The following NHSL1 variants were observed in gnomAD, a reference collection of about 807,000 sequenced individuals.
NHSL1 encodes NHS-like protein 1.
NHSL1 carries 48 observed loss-of-function variants against 95.0 expected under a neutral mutation model. The observed-to-expected ratio is 0.51, with a 90% CI of 0.40 to 0.64. The LOEUF is 0.64. NHSL1 is among the 30% of genes least tolerant of loss of function. The pLI is 0.00. For missense variants in NHSL1, 1,971 were observed against 2,077.7 expected (o/e 0.95, Z 1.00); for synonymous variants, 783 against 833.9 (o/e 0.94, Z 1.05).
At chr6:138,575,559 T>C (rs979880488), upstream of NHSL1, among the ~76,000 whole-genome samples, 5 of 151,976 alleles carry the variant, frequency 3.3e-5, no homozygotes, top group Non-Finnish European at 5.9e-5. Flanking sequence ...TAGTCCATAT[T>C]TCTGTTATAT....
intron 1 of NHSL1, among the ~76,000 whole-genome samples, chr6:138,599,350 A>C (rs1784342074): frequency 6.6e-6 from 1 of 152,042 alleles, no homozygotes; most frequent in Non-Finnish European, 1.5e-5. Flanking sequence ...CATCTCTACT[A>C]AAAGTACAGA....
chr6:138,457,153 T>C (rs1777667680), intron 3 of NHSL1, among the ~76,000 whole-genome samples: 1 of 152,224 alleles, frequency 6.6e-6, no homozygotes, highest in African/African-American at 2.4e-5. Context: ...AGTGCTGGGA[T>C]TACAGGCACA....
At chr6:138,615,615 C>T (rs576712457) in intron 1 of NHSL1, among the ~76,000 whole-genome samples, 29 of 152,326 alleles carry the variant, frequency 1.9e-4, no homozygotes, top group Non-Finnish European at 4.1e-4. Context: ...GGACTACAGG[C>T]GCATGCCACC....
chr6:138,487,788 T>C (rs1042688648), intron 2 of NHSL1, among the ~76,000 whole-genome samples: 1 of 152,178 alleles, frequency 6.6e-6, no homozygotes, highest in Admixed American at 6.5e-5. Flanking sequence ...GAATCACTAA[T>C]GACAACAAAA....
chr6:138,545,513 T>A, intron 1 of NHSL1: 1 of 836,628 alleles, frequency 1.2e-6, no homozygotes, highest in Non-Finnish European at 1.7e-6. Flanking sequence ...CAAAACTCCC[T>A]CAAACTTTGA....
intron 3 of NHSL1, among the ~76,000 whole-genome samples, chr6:138,471,660 A>G (rs1778757799): frequency 6.6e-6 from 1 of 152,190 alleles, no homozygotes; most frequent in Non-Finnish European, 1.5e-5. Flanking sequence ...GACAGGAGGA[A>G]TAAGTTTTTA....
At position 138,533,261 on chromosome 6, in the gene NHSL1, T is replaced by C. The variant is rs115327363; in HGVS notation, c.16+12362A>G. Among the ~76,000 whole-genome samples, 739 of 152,288 alleles carry C rather than the reference T, an allele frequency of 4.9e-3. 7 individuals are homozygous for C. Among genetic ancestry groups the C allele is most frequent in the African/African-American group, 0.017 (703 of 41,554 alleles). On this transcript the variant is annotated intron_variant, in intron 1 of 4. Coordinates refer to the NHSL1 transcript ENST00000342260. ...CCAAATGAAATAAAATTTCAATGAATATTATTATTTTAAAAAATTACTGCC... is the reference window on the plus strand; with the variant it reads ...CCAAATGAAATAAAATTTCAATGAACATTATTATTTTAAAAAATTACTGCC...
intron 1 of NHSL1, among the ~76,000 whole-genome samples, chr6:138,514,010 TACCA>T (rs59834490): frequency 0.11 from 17,354 of 152,062 alleles, 1,923 homozygotes; most frequent in African/African-American, 0.3. Context: ...TAGTTTACAT[TACCA>T]ACTCTAAAGA....
chr6:138,432,842 G>A lies in NHSL1; in HGVS notation c.1503C>T (p.Val501=). ...CCCTATTTGCTGGAGCATTTAGAGG[G>A]ACGGCTGAGTCACAGAGGGACAACA... ...PALLSLCDSA[V]PLNAPANREN... Residue 501 remains valine (V), a synonymous_variant, in exon 6 of 8, where the codon GTC becomes GTT. Coordinates refer to ENST00000343505, the MANE Select transcript of NHSL1 (RefSeq NM_001144060.2). The surrounding 1 kb of genome is among the most constrained non-coding windows in gnomAD (Gnocchi z 4.4). 1 of 1,551,528 alleles carries A rather than the reference G, an allele frequency of 6.4e-7. No homozygotes were observed. Among genetic ancestry groups the A allele is most frequent in the Non-Finnish European group, 8.7e-7 (1 of 1,146,856 alleles).
intron 1 of NHSL1, among the ~76,000 whole-genome samples, chr6:138,586,795 C>T (rs1784141810): frequency 6.6e-6 from 1 of 152,114 alleles, no homozygotes; most frequent in Admixed American, 6.6e-5. Context: ...CTGTGAGTAC[C>T]CTGTGTTTGA....
At chr6:138,455,494 G>GAGCCCCGCCTTCGCATGCTTCCTGCAAGA (rs1777534142) in intron 3 of NHSL1, among the ~76,000 whole-genome samples, 5 of 78,778 alleles carry the variant, frequency 6.3e-5, no homozygotes, top group African/African-American at 2.9e-4. Context: ...TCCCTGCAAG[G>GAGCCCCGCCTTCGCATGCTTCCTGCAAGA]AGCCCCGCCT....
intron 1 of NHSL1, among the ~76,000 whole-genome samples, chr6:138,602,553 G>T (rs535374166): frequency 6.6e-6 from 1 of 152,248 alleles, no homozygotes; most frequent in East Asian, 1.9e-4. Context: ...TGTTGGCCAA[G>T]CTGCTCTCGA....
At chr6:138,622,361 G>A (rs142477451) in intron 1 of NHSL1, among the ~76,000 whole-genome samples, 68 of 151,990 alleles carry the variant, frequency 4.5e-4, no homozygotes, top group African/African-American at 1.3e-3. Flanking sequence ...AAAAATAGCC[G>A]GGCGTGGCCG....
At chr6:138,576,804 C>A (rs1008034125), upstream of NHSL1, among the ~76,000 whole-genome samples, 1 of 152,168 alleles carries the variant, frequency 6.6e-6, no homozygotes, top group Non-Finnish European at 1.5e-5. Flanking sequence ...GATCTTTACA[C>A]CATGTTTATG....
intron 1 of NHSL1, among the ~76,000 whole-genome samples, chr6:138,498,559 C>A (rs1780492528): frequency 6.6e-6 from 1 of 152,100 alleles, no homozygotes; most frequent in African/African-American, 2.4e-5. Flanking sequence ...TAAAATAAAC[C>A]ACCGACTATG....
At chr6:138,510,989 A>G (rs1477426645) in intron 1 of NHSL1, among the ~76,000 whole-genome samples, 1 of 152,176 alleles carries the variant, frequency 6.6e-6, no homozygotes, top group African/African-American at 2.4e-5. Context: ...GCACAGATGG[A>G]AGGGAAGGAA....
intron 1 of NHSL1, among the ~76,000 whole-genome samples, chr6:138,541,980 TA>T (rs1782599157): frequency 6.6e-6 from 1 of 152,230 alleles, no homozygotes; most frequent in Admixed American, 6.5e-5. Flanking sequence ...TTGGGTTGAA[TA>T]GCGTCCTCCC....
upstream of NHSL1, among the ~76,000 whole-genome samples, chr6:138,549,892 G>A (rs1434969349): frequency 6.6e-6 from 1 of 152,032 alleles, no homozygotes; most frequent in East Asian, 1.9e-4. Flanking sequence ...CTCGAGCAAT[G>A]ACAACAAAAG....
intron 1 of NHSL1, among the ~76,000 whole-genome samples, chr6:138,560,091 C>T (rs80138463): frequency 3.9e-5 from 6 of 152,322 alleles, no homozygotes; most frequent in Non-Finnish European, 8.8e-5. Context: ...AGAAAACTAG[C>T]TCAACTTTCT....
Sources: allele counts gnomAD v4.1 joint callset (sites outside exome capture counted in the v4.1 genomes callset), GRCh38; gene constraint gnomAD v4.1.1; non-coding constraint Gnocchi (gnomAD v3.1); transcripts MANE v1.5; gene names NCBI Gene and HGNC (gene_info 2026-07-23, HGNC 2026-07-21).